Variants in NPAS3 observed in about 807,000 individuals in gnomAD.
NPAS3 encodes neuronal PAS domain protein 3, also known as neuronal PAS domain-containing protein 3.
In NPAS3, 14 loss-of-function variants were observed where a neutral mutation model predicts 73.1. The observed-to-expected ratio is 0.19, with a 90% CI of 0.13 to 0.30. NPAS3 has a LOEUF of 0.30. Ranked by LOEUF, NPAS3 falls within the 10% of genes least tolerant of loss-of-function variation. The pLI, the probability that NPAS3 is intolerant of heterozygous loss-of-function variation, is 1.00. For missense variants in NPAS3, 1,096 were observed against 1,250.0 expected, an observed-to-expected ratio of 0.88 and a Z score of 1.86; for synonymous variants, 620 against 541.5, an observed-to-expected ratio of 1.14 and a Z score of -2.01.
intron 2 of NPAS3, among the ~76,000 whole-genome samples, chr14:33,138,570 T>TC (rs1347877098): frequency 6.6e-6 from 1 of 152,166 alleles, no homozygotes; most frequent in Non-Finnish European, 1.5e-5. Context: ...CATTGTGCTT[T>TC]CTCTCTGGTC....
In NPAS3 at chr14:33,109,690, G is replaced by A. The variant is rs185498973; in HGVS notation, c.140+53696G>A. On this transcript the variant is annotated intron_variant, in intron 2 of 11. Coordinates refer to ENST00000356141, the Ensembl canonical transcript of NPAS3. ...TAAAGTTGATTTTGTCTCAGATACCGTATTGAGCACAGATTAAACTGGAAT... is the reference window on the plus strand; with the variant it reads ...TAAAGTTGATTTTGTCTCAGATACCATATTGAGCACAGATTAAACTGGAAT... 1.2e-3 allele frequency among the ~76,000 whole-genome samples: 183 copies of A among 151,772 alleles called. 1 individual carries two copies. The highest frequency in any genetic ancestry group is 4.1e-3 in the African/African-American group (169 of 41,406).
intron 4 of NPAS3, among the ~76,000 whole-genome samples, chr14:33,474,041 T>A (rs1378894143): frequency 6.6e-6 from 1 of 152,108 alleles, no homozygotes; most frequent in Non-Finnish European, 1.5e-5. Flanking sequence ...CTGAAGCTGG[T>A]GAGGTGGCAG....
At chr14:33,293,298 T>C (rs1000786932) in intron 3 of NPAS3, among the ~76,000 whole-genome samples, 6 of 152,256 alleles carry the variant, frequency 3.9e-5, no homozygotes, top group East Asian at 3.9e-4. Context: ...TAAACTTAAT[T>C]TATAAGCAGA....
chr14:33,715,295 T>G (rs1217495009), intron 6 of NPAS3, among the ~76,000 whole-genome samples: 3 of 152,206 alleles, frequency 2.0e-5, no homozygotes, highest in Non-Finnish European at 4.4e-5. Flanking sequence ...CTTTGAGTCC[T>G]TGAAAGTAAA....
chr14:33,623,589 C>G (rs1046556528), intron 5 of NPAS3, among the ~76,000 whole-genome samples: 1 of 152,202 alleles, frequency 6.6e-6, no homozygotes, highest in African/African-American at 2.4e-5. Flanking sequence ...CCACGATGGT[C>G]CTGTGCAAAC....
At chr14:32,970,448 A>G (rs934023572) in intron 1 of NPAS3, among the ~76,000 whole-genome samples, 26 of 152,160 alleles carry the variant, frequency 1.7e-4, no homozygotes, top group Admixed American at 1.4e-3. Flanking sequence ...TTTATTGCTA[A>G]TTAAAAAATA....
chr14:33,604,443 A>T (rs2057494057), intron 5 of NPAS3, among the ~76,000 whole-genome samples: 1 of 152,084 alleles, frequency 6.6e-6, no homozygotes, highest in Admixed American at 6.6e-5. Context: ...AAAAGGAACT[A>T]TTTCATAAAA....
Position 32,966,714 on chromosome 14 carries a change from G to A in NPAS3, c.50+27348G>A, listed in dbSNP as rs1470526942. Among the ~76,000 whole-genome samples the A allele has an allele frequency of 2.6e-5, 2 of 77,212 alleles. 1 individual carries two copies. Among genetic ancestry groups the A allele is most frequent in the Non-Finnish European group, 5.7e-5 (2 of 35,144 alleles). 50.7% of individuals were successfully genotyped at this position (77,212 alleles called of 152,430 possible). On this transcript the variant is annotated intron_variant, in intron 1 of 11. Transcript: ENST00000356141. ...GAACCCGGGAAGCGGAGCTTGCAGT[G>A]AGCAGAGATTGCGCCACTGCAGTCC... is the stretch of plus-strand genomic sequence containing the variant.
intron 1 of NPAS3, among the ~76,000 whole-genome samples, chr14:32,973,399 C>T (rs1022379874): frequency 1.3e-5 from 2 of 152,116 alleles, no homozygotes; most frequent in Non-Finnish European, 2.9e-5. Flanking sequence ...AGACACCTAA[C>T]TACAATCTAA....
intron 5 of NPAS3, among the ~76,000 whole-genome samples, chr14:33,561,528 C>T (rs1481622048): frequency 6.6e-6 from 1 of 152,150 alleles, no homozygotes; most frequent in Non-Finnish European, 1.5e-5. Context: ...TTTGTTAACT[C>T]GGTATTACTA....
intron 3 of NPAS3, among the ~76,000 whole-genome samples, chr14:33,350,522 G>A (rs1227639060): frequency 6.6e-6 from 1 of 152,140 alleles, no homozygotes; most frequent in Non-Finnish European, 1.5e-5. Context: ...ATAAAAAGTA[G>A]GACCCCCCTC....
intron 2 of NPAS3, among the ~76,000 whole-genome samples, chr14:33,148,154 T>TG (rs1438022869): frequency 1.3e-5 from 2 of 152,130 alleles, no homozygotes; most frequent in African/African-American, 4.8e-5. Context: ...CCTGAGTGTG[T>TG]GGTTAAATTT....
chr14:33,739,609 A>G (rs555402739), intron 7 of NPAS3, among the ~76,000 whole-genome samples: 22 of 152,312 alleles, frequency 1.4e-4, no homozygotes, highest in African/African-American at 5.3e-4. Flanking sequence ...TAAGGTGCAC[A>G]TGAAATTTTA....
chr14:33,760,585 C>T (rs767010314), intron 7 of NPAS3, among the ~76,000 whole-genome samples: 18 of 152,038 alleles, frequency 1.2e-4, no homozygotes, highest in South Asian at 2.1e-4. Flanking sequence ...TTCAACTGCT[C>T]GCCTCATCCC....
chr14:33,168,938 T>G (rs1262561557), intron 2 of NPAS3, among the ~76,000 whole-genome samples: 1 of 152,216 alleles, frequency 6.6e-6, no homozygotes, highest in Non-Finnish European at 1.5e-5. Context: ...CATTGTAATA[T>G]GAGAAGTTTT....
chr14:33,183,546 C>G (rs967670649), intron 2 of NPAS3, among the ~76,000 whole-genome samples: 1 of 146,122 alleles, frequency 6.8e-6, no homozygotes, highest in African/African-American at 2.6e-5. Flanking sequence ...AAATGCTGTC[C>G]TGTGCAGGTG....
intron 1 of NPAS3, among the ~76,000 whole-genome samples, chr14:32,961,034 AC>A (rs1251552750): frequency 6.6e-6 from 1 of 152,190 alleles, no homozygotes; most frequent in Admixed American, 6.5e-5. Context: ...ATATTTTGTG[AC>A]TATTTCTATT....
At chr14:33,145,520 G>A (rs148817708) in intron 2 of NPAS3, among the ~76,000 whole-genome samples, 58 of 151,828 alleles carry the variant, frequency 3.8e-4, no homozygotes, top group Admixed American at 1.2e-3. Context: ...TTTCCCTCCC[G>A]TCGTGATAGG....
chr14:32,996,418 A>C (rs1039027364), intron 1 of NPAS3, among the ~76,000 whole-genome samples: 1 of 152,208 alleles, frequency 6.6e-6, no homozygotes, highest in Non-Finnish European at 1.5e-5. Flanking sequence ...ATCCCAAGAC[A>C]ATGGGGAAAA....
Sources: gnomAD v4.1 joint callset for allele counts (sites outside exome capture counted in the v4.1 genomes callset) on GRCh38, gnomAD v4.1.1 for gene constraint, MANE v1.5 for transcripts, NCBI Gene and HGNC (gene_info 2026-07-23, HGNC 2026-07-21) for gene names.